TULP4: variants seen among roughly 807,000 people sequenced by gnomAD.
TULP4 encodes the protein TUB like protein 4, also known as tubby-related protein 4.
A neutral mutation model predicts 129.0 loss-of-function variants in TULP4; 16 were observed. The observed-to-expected ratio is 0.12, with a 90% CI of 0.08 to 0.19. TULP4 has a LOEUF of 0.19. Ranked by LOEUF, TULP4 falls within the 10% of genes least tolerant of loss-of-function variation. TULP4 has a pLI of 1.00. For missense variants in TULP4, 1,842 were observed against 2,059.1 expected (o/e 0.89, Z 2.04); for synonymous variants, 998 against 854.0 (o/e 1.17, Z -2.94).
At chr6:158,356,657 T>C (rs1226415652) in intron 1 of TULP4, among the ~76,000 whole-genome samples, 8 of 152,112 alleles carry the variant, frequency 5.3e-5, no homozygotes, top group African/African-American at 1.9e-4. Context: ...GATCCTTTCA[T>C]CTTTTATACA....
intron 3 of TULP4, among the ~76,000 whole-genome samples, chr6:158,442,224 C>T (rs972238974): frequency 6.6e-6 from 1 of 152,196 alleles, no homozygotes; most frequent in African/African-American, 2.4e-5. Flanking sequence ...CCTTTCCTCT[C>T]AGCTCATTTG....
intron 1 of TULP4, among the ~76,000 whole-genome samples, chr6:158,408,716 C>T (rs540312024): frequency 7.1e-4 from 108 of 152,294 alleles, no homozygotes; most frequent in African/African-American, 2.4e-3. Context: ...ACTGACCTCC[C>T]GGTGACATCT....
intron 6 of TULP4, among the ~76,000 whole-genome samples, chr6:158,468,007 C>T (rs1779591602): frequency 6.6e-6 from 1 of 152,238 alleles, no homozygotes; most frequent in Non-Finnish European, 1.5e-5. Context: ...ACCCCTGACC[C>T]AGCAACGGAT....
intron 5 of TULP4, among the ~76,000 whole-genome samples, chr6:158,457,667 A>T (rs1779323362): frequency 6.6e-6 from 1 of 152,152 alleles, no homozygotes; most frequent in African/African-American, 2.4e-5. Flanking sequence ...AGAGGCACTC[A>T]TTTCATCCCA....
At chr6:158,282,422 A>T (rs1778770424) in intron 1 of TULP4, 1 of 152,124 alleles carries the variant, frequency 6.6e-6, no homozygotes. Context: ...TAAGAACTAG[A>T]TGATATAAAT....
chr6:158,263,999 C>T (rs937129741), intron 1 of TULP4, among the ~76,000 whole-genome samples: 5 of 150,040 alleles, frequency 3.3e-5, no homozygotes, highest in African/African-American at 1.2e-4. Context: ...GGAGGCAGAG[C>T]TTGCAGTGAG....
rs768968115 is a variant in TULP4, at chr6:158,506,704, T to C, written c.*10T>C. 1 of 1,568,140 alleles carries C rather than the reference T, an allele frequency of 6.4e-7. No individual in the cohort carries two copies. ...TCAGCGCCTCAAATGAAGAGACTGGTGTGGGGAGGAGAGAGATGCAGAGAG... is the reference window on the plus strand; with the variant it reads ...TCAGCGCCTCAAATGAAGAGACTGGCGTGGGGAGGAGAGAGATGCAGAGAG... On this transcript the variant is annotated 3_prime_UTR_variant, in exon 14 of 14. Coordinates refer to ENST00000367097, the MANE Select transcript of TULP4 (RefSeq NM_020245.5).
chr6:158,478,551 C>G (rs1174431425), intron 6 of TULP4, among the ~76,000 whole-genome samples: 1 of 152,160 alleles, frequency 6.6e-6, no homozygotes, highest in Non-Finnish European at 1.5e-5. Context: ...GGAGACATGT[C>G]CTGGAAGTGT....
chr6:158,302,336 T>C (rs1779146826), intron 1 of TULP4, among the ~76,000 whole-genome samples: 1 of 152,208 alleles, frequency 6.6e-6, no homozygotes. Context: ...AGAAATAGTC[T>C]TTAAGATCAG....
chr6:158,470,347 G>A (rs1779651030), intron 6 of TULP4, among the ~76,000 whole-genome samples: 1 of 152,254 alleles, frequency 6.6e-6, no homozygotes, highest in Non-Finnish European at 1.5e-5. Flanking sequence ...GTGAAATAGA[G>A]TGAAAACAGA....
intron 1 of TULP4, among the ~76,000 whole-genome samples, chr6:158,304,914 G>C (rs568619918): frequency 6.6e-6 from 1 of 152,094 alleles, no homozygotes; most frequent in African/African-American, 2.4e-5. Context: ...CCATCCTCCT[G>C]CCTCAGCCTC....
chr6:158,359,420 G>A (rs952451257), intron 1 of TULP4, among the ~76,000 whole-genome samples: 1 of 152,198 alleles, frequency 6.6e-6, no homozygotes, highest in African/African-American at 2.4e-5. Flanking sequence ...ACAAGGTGGG[G>A]TCTCACAGTA....
At chr6:158,234,469 G>A (rs1245097110) in intron 1 of TULP4, among the ~76,000 whole-genome samples, 1 of 152,246 alleles carries the variant, frequency 6.6e-6, no homozygotes, top group Non-Finnish European at 1.5e-5. Flanking sequence ...AATTCAGGAA[G>A]GTTTGTGGAG....
At chr6:158,270,514 G>T (rs1043765075) in intron 1 of TULP4, among the ~76,000 whole-genome samples, 7 of 152,170 alleles carry the variant, frequency 4.6e-5, no homozygotes, top group African/African-American at 1.7e-4. Flanking sequence ...CGGCCTGTTC[G>T]GCCTGTGGTG....
At chr6:158,260,635 T>C (rs1011932045) in intron 1 of TULP4, among the ~76,000 whole-genome samples, 10 of 151,028 alleles carry the variant, frequency 6.6e-5, no homozygotes, top group African/African-American at 2.4e-4. Flanking sequence ...TGACAGTTGA[T>C]GCTGAAGGAG....
intron 13 of TULP4, among the ~76,000 whole-genome samples, chr6:158,504,577 C>T (rs1018253999): frequency 1.1e-4 from 17 of 150,382 alleles, no homozygotes; most frequent in African/African-American, 3.9e-4. Context: ...AGGATGATCT[C>T]GATCTCCTGA....
At chr6:158,449,372 T>C (rs1441055166) in intron 4 of TULP4, among the ~76,000 whole-genome samples, 196 bp downstream of exon 4, 1 of 152,180 alleles carries the variant, frequency 6.6e-6, no homozygotes, top group Non-Finnish European at 1.5e-5. Context: ...CCCGCTGTTG[T>C]CCCTTTTCTC....
intron 6 of TULP4, among the ~76,000 whole-genome samples, chr6:158,477,549 C>G (rs534513131): frequency 6.6e-6 from 1 of 152,262 alleles, no homozygotes; most frequent in Admixed American, 6.5e-5. Context: ...AAATGCAAAT[C>G]AAAACCACAG....
upstream of TULP4, among the ~76,000 whole-genome samples, chr6:158,310,733 A>G (rs1241664579): frequency 6.6e-6 from 1 of 152,116 alleles, no homozygotes. Flanking sequence ...ACCATGTCAC[A>G]TGGTATTCCA....
Sources: allele counts gnomAD v4.1 joint callset (sites outside exome capture counted in the v4.1 genomes callset), GRCh38; gene constraint gnomAD v4.1.1; transcripts MANE v1.5; gene names NCBI Gene and HGNC (gene_info 2026-07-23, HGNC 2026-07-21).